The following KIF24 variants were observed in gnomAD, a reference collection of about 807,000 sequenced individuals.
KIF24 encodes kinesin family member 24.
In KIF24, 81 loss-of-function variants were observed where a neutral mutation model predicts 118.9. The observed-to-expected ratio is 0.68, with a 90% CI of 0.57 to 0.82. The LOEUF (loss-of-function observed/expected upper bound fraction) is 0.82. KIF24 is among the 40% of genes least tolerant of loss of function. The pLI is 0.00. For synonymous variants in KIF24, 599 were observed against 610.0 expected (o/e 0.98, Z 0.27); for missense variants, 1,560 against 1,661.6 (o/e 0.94, Z 1.06).
At chr9:34,284,383 A>C (rs1835960790) in intron 6 of KIF24, among the ~76,000 whole-genome samples, 1 of 152,226 alleles carries the variant, frequency 6.6e-6, no homozygotes, top group Non-Finnish European at 1.5e-5. Flanking sequence ...AAATACATGT[A>C]TAAGCACACT....
chr9:34,323,101 TACTAGACA>T (rs1190966937), intron 1 of KIF24, among the ~76,000 whole-genome samples: 1 of 152,204 alleles, frequency 6.6e-6, no homozygotes. Context: ...AGACAGATGA[TACTAGACA>T]ACTGCTTAAA....
chr9:34,283,075 A>AG (rs1835910650), intron 6 of KIF24, among the ~76,000 whole-genome samples: 2 of 140,432 alleles, frequency 1.4e-5, no homozygotes, highest in African/African-American at 5.3e-5. Context: ...AAAAAAAAAA[A>AG]GAATATTATG....
chr9:34,277,532 G>A (rs555382330), intron 6 of KIF24, among the ~76,000 whole-genome samples: 1 of 152,258 alleles, frequency 6.6e-6, no homozygotes, highest in South Asian at 2.1e-4. Flanking sequence ...CCTCAAGAGT[G>A]TCAAAAAAGA....
At position 34,311,053 on chromosome 9, in the gene KIF24, C is replaced by CT; in HGVS notation, c.293_294insA (p.Asn99GlufsTer3). 1 of 1,613,902 alleles carries CT rather than the reference C, an allele frequency of 6.2e-7. No individual in the cohort carries two copies. Among genetic ancestry groups the CT allele is most frequent in the Non-Finnish European group, 8.5e-7 (1 of 1,179,830 alleles). On this transcript the variant is annotated frameshift_variant, in exon 2 of 13. Coordinates refer to ENST00000402558, the MANE Select transcript of KIF24 (RefSeq NM_194313.4). LOFTEE classifies it high-confidence loss of function. The stretch of plus-strand genomic sequence containing the variant: ...TATTGTCAGCAGGAGAATCAAAATT[C>CT]AGCTGTCTGCGAGGGCCAGATCTTA...
At chr9:34,255,321 C>G (rs1834783356) in intron 11 of KIF24, among the ~76,000 whole-genome samples, 156 bp from the exon 12 acceptor site, 2 of 152,126 alleles carry the variant, frequency 1.3e-5, no homozygotes, top group African/African-American at 4.8e-5. Flanking sequence ...CTCCCCCTCA[C>G]CTGCTCTTTC....
chr9:34,283,542 C>T (rs535994700), intron 6 of KIF24, among the ~76,000 whole-genome samples: 1 of 152,190 alleles, frequency 6.6e-6, no homozygotes, highest in South Asian at 2.1e-4. Flanking sequence ...CTGGGCCCCA[C>T]TCCTGAGGGA....
rs1587903185 is a variant in KIF24, at chr9:34,254,280, T to G, written c.*100A>C. On this transcript the variant is annotated 3_prime_UTR_variant, in exon 13 of 13. Transcript: ENST00000402558. Reference sequence around the variant, plus strand: ...AGCATAGGCAGGACCAGCGTGTGGGTTCTGGTGTGTGCAGGGAGGACCTGG... The same window carrying G: ...AGCATAGGCAGGACCAGCGTGTGGGGTCTGGTGTGTGCAGGGAGGACCTGG... The G allele has an allele frequency of 7.6e-7, 1 of 1,321,858 alleles. No individual in the cohort carries two copies. 81.9% of individuals were successfully genotyped at this position (1,321,858 alleles called of 1,614,324 possible). A position where few individuals can be genotyped will look rare whatever the true frequency, so the allele number is the denominator to read the frequency against.
intron 8 of KIF24, among the ~76,000 whole-genome samples, chr9:34,266,702 AAAAG>A (rs2131692642): frequency 6.6e-6 from 1 of 151,848 alleles, no homozygotes; most frequent in South Asian, 2.1e-4. Flanking sequence ...AAAAGAAAGA[AAAAG>A]AAAGAAAAAG....
intron 3 of KIF24, among the ~76,000 whole-genome samples, chr9:34,300,351 C>A (rs1452933138): frequency 2.0e-5 from 3 of 151,530 alleles, no homozygotes; most frequent in African/African-American, 7.3e-5. Context: ...AATAGTTAAA[C>A]ATATTTTTAA....
At chr9:34,327,865 G>A (rs1373611182) in intron 1 of KIF24, among the ~76,000 whole-genome samples, 1 of 149,496 alleles carries the variant, frequency 6.7e-6, no homozygotes, top group East Asian at 2.0e-4. Context: ...TAATAATAAA[G>A]GGACTAAATG....
intron 6 of KIF24, among the ~76,000 whole-genome samples, chr9:34,279,897 C>T (rs991023216): frequency 6.6e-6 from 1 of 152,166 alleles, no homozygotes; most frequent in African/African-American, 2.4e-5. Flanking sequence ...TTGTACAACA[C>T]CATATGTCCT....
At chr9:34,319,162 G>C (rs1434100425) in intron 1 of KIF24, 1 of 1,599,996 alleles carries the variant, frequency 6.3e-7, no homozygotes, top group East Asian at 2.2e-5. Context: ...AGGAAAAGCT[G>C]CAAATCGTGG....
chr9:34,254,240 G>C lies in KIF24; in HGVS notation c.*140C>G. On this transcript the variant is annotated 3_prime_UTR_variant, in exon 13 of 13. Transcript: ENST00000402558. The stretch of plus-strand genomic sequence containing the variant: ...CTGGGACCTATCTGAAGCCACGTGG[G>C]GCTGGGGTGACGCTAGCATAGGCAG... 1.1e-6 allele frequency: 1 copy of C among 939,618 alleles called. No homozygotes were observed. Among genetic ancestry groups the C allele is most frequent in the South Asian group, 2.0e-5 (1 of 50,086 alleles). 58.2% of individuals were successfully genotyped at this position (939,618 alleles called of 1,614,324 possible). A position where few individuals can be genotyped will look rare whatever the true frequency, so the allele number is the denominator to read the frequency against.
chr9:34,319,704 G>A (rs2131829906), intron 1 of KIF24: 2 of 705,378 alleles, frequency 2.8e-6, no homozygotes, highest in Non-Finnish European at 5.2e-6. Context: ...AGGCTTCTGA[G>A]ACACATGGGT....
intron 9 of KIF24, among the ~76,000 whole-genome samples, chr9:34,262,676 ATATATATATATATATATATATAT>A (rs1227408463): frequency 2.3e-4 from 3 of 13,244 alleles, no homozygotes; most frequent in South Asian, 3.5e-3. Context: ...AAAAAAAAAA[ATATATATATATATATATATATAT>A]ATATATATAT....
At chr9:34,320,432 C>T (rs1282568647) in intron 1 of KIF24, among the ~76,000 whole-genome samples, 3 of 151,062 alleles carry the variant, frequency 2.0e-5, no homozygotes, top group Non-Finnish European at 2.9e-5. Context: ...CAGAGGCAAG[C>T]GGATCACCTG....
chr9:34,307,884 AAAG>A (rs1836992841), intron 2 of KIF24, among the ~76,000 whole-genome samples: 1 of 151,974 alleles, frequency 6.6e-6, no homozygotes, highest in Non-Finnish European at 1.5e-5. Context: ...AAAAAAGAAA[AAAG>A]AAAAAGAAAT....
chr9:34,272,072 T>G, intron 6 of KIF24, 142 bp from the exon 7 acceptor site: 1 of 612,506 alleles, frequency 1.6e-6, no homozygotes, highest in East Asian at 2.8e-5. Context: ...GGAAAACTGC[T>G]CAAACACTAA....
At chr9:34,330,805 C>T (rs1837900712), upstream of KIF24, among the ~76,000 whole-genome samples, 3 of 151,636 alleles carry the variant, frequency 2.0e-5, no homozygotes, top group Admixed American at 2.0e-4. Context: ...ACTAAAAACA[C>T]AAAAAATTAG....
Sources: allele counts gnomAD v4.1 joint callset (sites outside exome capture counted in the v4.1 genomes callset), GRCh38; gene constraint gnomAD v4.1.1; transcripts MANE v1.5; gene names NCBI Gene and HGNC (gene_info 2026-07-23, HGNC 2026-07-21).